Variants in PLAA observed in about 807,000 individuals in gnomAD.
PLAA encodes phospholipase A2 activating protein, also known as phospholipase A-2-activating protein.
PLAA carries 48 observed loss-of-function variants against 84.1 expected under a neutral mutation model. That is an observed-to-expected ratio of 0.57 (90% CI 0.45 to 0.73). The LOEUF (loss-of-function observed/expected upper bound fraction) is 0.73. PLAA is among the 30% of genes least tolerant of loss of function. The pLI, the probability that PLAA is intolerant of heterozygous loss-of-function variation, is 0.00. For synonymous variants in PLAA, 392 were observed against 336.6 expected, an observed-to-expected ratio of 1.16 and a Z score of -1.80; for missense variants, 903 against 954.7, an observed-to-expected ratio of 0.95 and a Z score of 0.71.
intron 1 of PLAA, among the ~76,000 whole-genome samples, chr9:26,944,759 C>T (rs186608092): frequency 2.0e-5 from 3 of 152,330 alleles, no homozygotes; most frequent in Admixed American, 2.0e-4. Context: ...CTAACACACA[C>T]TGTGGCAAAA....
In PLAA at chr9:26,926,532, T is replaced by G. The variant is rs745490316; in HGVS notation, c.594A>C (p.Ala198=). Residue 198 remains alanine, a synonymous_variant, in exon 5 of 14, where the codon GCA becomes GCC. Coordinates refer to ENST00000397292, the MANE Select transcript of PLAA (RefSeq NM_001031689.3). The part of the protein sequence containing the change: ...SGHEDCVRGL[A]ILSETEFLSC... ...AAAGAAATTCTGTTTCACTCAAAAT[T>G]GCCAAACCTCTTACACAGTCTTCAT... The G allele has an allele frequency of 6.2e-7, 1 of 1,613,626 alleles. No homozygotes were observed. The highest frequency in any genetic ancestry group is 8.5e-7 in the Non-Finnish European group (1 of 1,179,710).
intron 2 of PLAA, among the ~76,000 whole-genome samples, chr9:26,929,387 T>C (rs59274950): frequency 0.13 from 19,929 of 151,968 alleles, 1,454 homozygotes; most frequent in South Asian, 0.23. Flanking sequence ...AGTAAGAGAA[T>C]TGCTTGAGCA....
At chr9:26,945,056 G>C (rs201113133) in intron 1 of PLAA, among the ~76,000 whole-genome samples, 37 of 152,310 alleles carry the variant, frequency 2.4e-4, no homozygotes, top group East Asian at 9.7e-4. Context: ...GAACCCCGGA[G>C]GCGGAGGTTG....
chr9:26,905,723 A>G lies in PLAA; in HGVS notation c.2176T>C (p.Leu726=), dbSNP rs764995950. 1 of 1,614,204 alleles carries G rather than the reference A, an allele frequency of 6.2e-7. No individual in the cohort carries two copies. The highest frequency in any genetic ancestry group is 1.1e-5 in the South Asian group (1 of 91,080). ...DHNIEGKAQC[L]SLISTILEVV... ...TCCAAGATTGTGCTAATTAGTGACA[A>G]ACATTGGGCTTTCCCTTCAATGTTA... is the stretch of plus-strand genomic sequence containing the variant. The change falls in exon 14 of 14, where the codon TTG becomes CTG. Residue 726 remains leucine (L), a synonymous_variant. Coordinates refer to ENST00000397292, the MANE Select transcript of PLAA (RefSeq NM_001031689.3).
rs756936354 is a variant in PLAA, at chr9:26,910,406, G to T, written c.1589C>A (p.Thr530Lys). 4 of 1,613,168 alleles carry T rather than the reference G, an allele frequency of 2.5e-6. No individual in the cohort carries two copies. The highest frequency in any genetic ancestry group is 3.4e-6 in the Non-Finnish European group (4 of 1,179,422). The change falls in exon 12 of 14, where the codon ACA becomes AAA. Residue 530 changes from threonine (T) to lysine (K), a missense_variant. Physicochemically the swap from Thr to Lys is moderately conservative, Grantham distance 78. Coordinates refer to ENST00000397292, the MANE Select transcript of PLAA (RefSeq NM_001031689.3). ...NSAYRSAASK[T>K]MNIYFPKKEA... ...TTTTTTAGGGAAATAAATATTCATT[G>T]TTTTAGATGCAGCTGATCGGTAGGC...
chr9:26,941,169 A>AAC (rs1554661545), intron 1 of PLAA, among the ~76,000 whole-genome samples: 15,104 of 144,648 alleles, frequency 0.1, 908 homozygotes, highest in African/African-American at 0.16. Flanking sequence ...AAAAAAAAAC[A>AAC]AAAACAAAAC....
At chr9:26,930,937 A>G (rs958788485) in intron 2 of PLAA, among the ~76,000 whole-genome samples, 1 of 152,006 alleles carries the variant, frequency 6.6e-6, no homozygotes, top group African/African-American at 2.4e-5. Context: ...ACAAATCAGT[A>G]TGATATAATT....
At chr9:26,932,593 T>C (rs1186105124) in intron 2 of PLAA, among the ~76,000 whole-genome samples, 1 of 152,194 alleles carries the variant, frequency 6.6e-6, no homozygotes, top group Non-Finnish European at 1.5e-5. Flanking sequence ...TCTGATCCTT[T>C]ACAGAAAAAG....
At chr9:26,919,112 G>C in intron 9 of PLAA, 198 bp downstream of exon 9, 1 of 415,300 alleles carries the variant, frequency 2.4e-6, no homozygotes, top group Non-Finnish European at 4.3e-6. Context: ...ATTTTTGAAA[G>C]ACAACAATTT....
chr9:26,915,555 G>A, intron 10 of PLAA: 1 of 350,320 alleles, frequency 2.9e-6, no homozygotes, highest in African/African-American at 2.2e-5. Flanking sequence ...TACATACCGT[G>A]GCTTAAATAT....
At chr9:26,946,370 G>C (rs1193547164) in intron 1 of PLAA, among the ~76,000 whole-genome samples, 1 of 151,512 alleles carries the variant, frequency 6.6e-6, no homozygotes, top group Admixed American at 6.6e-5. Flanking sequence ...CAAAACATCC[G>C]AGAGGTTTCA....
At chr9:26,938,950 T>C (rs897457329) in intron 1 of PLAA, among the ~76,000 whole-genome samples, 7 of 152,150 alleles carry the variant, frequency 4.6e-5, no homozygotes, top group South Asian at 2.1e-4. Context: ...GATGGAGCTA[T>C]AAAGAAGAAT....
chr9:26,939,220 C>T (rs1587190793), intron 1 of PLAA, among the ~76,000 whole-genome samples: 1 of 151,872 alleles, frequency 6.6e-6, no homozygotes, highest in African/African-American at 2.4e-5. Context: ...AACCCCATCT[C>T]TACTAAAAAT....
intron 2 of PLAA, among the ~76,000 whole-genome samples, chr9:26,933,161 A>G (rs1007134490): frequency 6.6e-6 from 1 of 152,032 alleles, no homozygotes; most frequent in African/African-American, 2.4e-5. Flanking sequence ...CCAGATACTC[A>G]GAAGGCTGAG....
intron 7 of PLAA, among the ~76,000 whole-genome samples, chr9:26,921,065 C>T (rs1824742319): frequency 6.6e-6 from 1 of 152,066 alleles, no homozygotes; most frequent in African/African-American, 2.4e-5. Context: ...GTGTACAAGA[C>T]CAAATATAAA....
intron 6 of PLAA, among the ~76,000 whole-genome samples, chr9:26,924,958 G>A (rs1243236057): frequency 6.6e-6 from 1 of 152,160 alleles, no homozygotes; most frequent in Non-Finnish European, 1.5e-5. Context: ...GGAAGTCTAA[G>A]GCCACGGTCA....
chr9:26,924,260 AGCTGGGACTACAAAT>A (rs1277035325), intron 6 of PLAA, among the ~76,000 whole-genome samples: 2 of 152,050 alleles, frequency 1.3e-5, no homozygotes, highest in Non-Finnish European at 1.5e-5. Flanking sequence ...TCTCCTGAGC[AGCTGGGACTACAAAT>A]GCATGCCACC....
chr9:26,930,756 T>C (rs528251415), intron 2 of PLAA, among the ~76,000 whole-genome samples: 4 of 151,922 alleles, frequency 2.6e-5, no homozygotes, highest in Admixed American at 6.6e-5. Context: ...CTAATTTTTT[T>C]GTATTTAGTA....
Position 26,935,160 on chromosome 9 carries a change from T to G in PLAA, c.196A>C (p.Asn66His), listed in dbSNP as rs1026528892. 4 of 1,595,692 alleles carry G rather than the reference T, an allele frequency of 2.5e-6. No homozygotes were observed. In the African/African-American group the frequency reaches 5.4e-5, roughly 22 times the overall value. ...TEMHCMSGHS[N>H]FVSCVCIIPS... is the part of the protein sequence containing the mutation. ...ATGATGCATACACAAGATACAAAAT[T>G]GGAATGGCCACTCATACAGTGCATT... Residue 66 changes from asparagine (N) to histidine (H), a missense_variant, in exon 2 of 14, where the codon AAT becomes CAT. Coordinates refer to ENST00000397292, the MANE Select transcript of PLAA (RefSeq NM_001031689.3).
Sources: gnomAD v4.1 joint callset for allele counts (sites outside exome capture counted in the v4.1 genomes callset) on GRCh38, gnomAD v4.1.1 for gene constraint, MANE v1.5 for transcripts, NCBI Gene and HGNC (gene_info 2026-07-23, HGNC 2026-07-21) for gene names.